The following MYOM3 variants were observed in gnomAD, a reference collection of about 807,000 sequenced individuals.
The protein encoded by MYOM3 is myomesin 3, also known as myomesin-3.
In MYOM3, 155 loss-of-function variants were observed where a neutral mutation model predicts 191.7. The ratio of observed to expected loss-of-function variants is 0.81; its 90% CI spans 0.71 to 0.92. The LOEUF is 0.92. Among genes scored for constraint, MYOM3 ranks in the 40% least tolerant of loss-of-function variants. The pLI, the probability that MYOM3 is intolerant of heterozygous loss-of-function variation, is 0.00. For missense variants in MYOM3, 1,889 were observed against 1,890.6 expected (o/e 1.00, Z 0.02); for synonymous variants, 757 against 762.9 (o/e 0.99, Z 0.13).
chr1:24,101,068 T>C (rs1353930280), intron 5 of MYOM3, among the ~76,000 whole-genome samples: 1 of 152,164 alleles, frequency 6.6e-6, no homozygotes, highest in Non-Finnish European at 1.5e-5. Flanking sequence ...TGTGGCCATA[T>C]GACTTAGCAT....
At position 24,090,871 on chromosome 1, in the gene MYOM3, A is replaced by C. The variant is rs1570877892; in HGVS notation, c.1358T>G (p.Val453Gly). 2 of 1,614,004 alleles carry C rather than the reference A, an allele frequency of 1.2e-6. No homozygotes were observed. Among genetic ancestry groups the C allele is most frequent in the Non-Finnish European group, 1.7e-6 (2 of 1,179,974 alleles). The change falls in exon 12 of 37, where the codon GTA (valine) becomes GGA (glycine). Residue 453 changes from valine to glycine, a missense_variant. Val to Gly is a moderately radical substitution (Grantham distance 109). Coordinates refer to ENST00000374434, the MANE Select transcript of MYOM3 (RefSeq NM_152372.4). Reference sequence around the variant, plus strand: ...GGCCTTGGAGGGGACGCTGCTGCCTACCCTGCTGATGGCTCTCACCCGGAA... The same window carrying C: ...GGCCTTGGAGGGGACGCTGCTGCCTCCCCTGCTGATGGCTCTCACCCGGAA... ...YRFRVRAISR[V>G]GSSVPSKASE... is the part of the protein sequence containing the mutation.
intron 19 of MYOM3, among the ~76,000 whole-genome samples, chr1:24,080,837 G>T (rs1643659454): frequency 1.3e-5 from 2 of 152,196 alleles, no homozygotes; most frequent in Non-Finnish European, 2.9e-5. Context: ...TGATGGAAGG[G>T]TGTGATTCTC....
chr1:24,081,841 T>A (rs1643673195), intron 18 of MYOM3, 160 bp downstream of exon 18: 1 of 724,182 alleles, frequency 1.4e-6, no homozygotes, highest in Admixed American at 3.0e-5. Context: ...TCTAAACAGT[T>A]CTGTTCAAGG....
At position 24,071,226 on chromosome 1, in the gene MYOM3, A is replaced by G. The variant is rs1471121176; in HGVS notation, c.3041T>C (p.Ile1014Thr). The G allele has an allele frequency of 3.7e-6, 6 of 1,613,568 alleles. No individual in the cohort carries two copies. In the Admixed American group the frequency reaches 6.7e-5, roughly 18 times the overall value. Residue 1014 changes from isoleucine (I) to threonine (T), a missense_variant, in exon 25 of 37, where the codon ATT (isoleucine) becomes ACT (threonine). Coordinates refer to ENST00000374434, the MANE Select transcript of MYOM3 (RefSeq NM_152372.4). ...PVIKLISGWN[I>T]DILERGEVRL... ...CACCTCCCCTCGCTCCAGGATGTCA[A>G]TGTTCCAGCCGGAGATCAGTTTGAT...
chr1:24,108,088 A>G lies in MYOM3; in HGVS notation c.162-15T>C. The G allele has an allele frequency of 6.2e-7, 1 of 1,612,260 alleles. No individual in the cohort carries two copies. On this transcript the variant is annotated splice_polypyrimidine_tract_variant and intron_variant, in intron 2 of 36. Coordinates refer to ENST00000374434, the MANE Select transcript of MYOM3 (RefSeq NM_152372.4). ...GCTCTTCTTCGCTGCTCCCAGAAGG[A>G]GGGGAGTAAATGGCTCTTGCAGGAT...
At chr1:24,106,789 G>A (rs1009271592) in intron 4 of MYOM3, among the ~76,000 whole-genome samples, 9 of 152,054 alleles carry the variant, frequency 5.9e-5, no homozygotes, top group Non-Finnish European at 1.2e-4. Context: ...GGCTGGTCTC[G>A]AACTCCTGAC....
chr1:24,068,410 A>G (rs1258346406), intron 25 of MYOM3, 43 bp from the exon 26 acceptor site: 1 of 1,611,140 alleles, frequency 6.2e-7, no homozygotes, highest in Non-Finnish European at 8.5e-7. Flanking sequence ...TGTTCTGGGA[A>G]CTTTGTTGTG....
intron 25 of MYOM3, among the ~76,000 whole-genome samples, chr1:24,069,220 G>A (rs1183114605): frequency 2.6e-5 from 4 of 152,068 alleles, no homozygotes; most frequent in African/African-American, 9.7e-5. Context: ...GTATGATTTG[G>A]GGGAGTAATC....
Position 24,108,080 on chromosome 1 carries a change from C to T in MYOM3, c.162-7G>A. 1 of 1,613,038 alleles carries T rather than the reference C, an allele frequency of 6.2e-7. No homozygotes were observed. Among genetic ancestry groups the T allele is most frequent in the Non-Finnish European group, 8.5e-7 (1 of 1,179,458 alleles). ...GAACTCATGCTCTTCTTCGCTGCTCCCAGAAGGAGGGGAGTAAATGGCTCT... is the reference window on the plus strand; with the variant it reads ...GAACTCATGCTCTTCTTCGCTGCTCTCAGAAGGAGGGGAGTAAATGGCTCT... On this transcript the variant is annotated splice_polypyrimidine_tract_variant and splice_region_variant and intron_variant, in intron 2 of 36. Coordinates refer to ENST00000374434, the MANE Select transcript of MYOM3 (RefSeq NM_152372.4).
At position 24,108,081 on chromosome 1, in the gene MYOM3, C is replaced by A. The variant is rs745317685; in HGVS notation, c.162-8G>T. On this transcript the variant is annotated splice_polypyrimidine_tract_variant and splice_region_variant and intron_variant, in intron 2 of 36. Transcript: ENST00000374434. ...AACTCATGCTCTTCTTCGCTGCTCC[C>A]AGAAGGAGGGGAGTAAATGGCTCTT... is the stretch of plus-strand genomic sequence containing the variant. 3.4e-5 allele frequency: 55 copies of A among 1,612,876 alleles called. No homozygotes were observed. In the Admixed American group the frequency reaches 7.2e-4, roughly 21 times the overall value.
chr1:24,063,362 G>C lies in MYOM3; in HGVS notation c.3662-128C>G. ...GGGAAATGCAGTGCTGTGAAGAGGC[G>C]GGATTTTCTCTTCGGTGTTTGAGGT... On this transcript the variant is annotated intron_variant, in intron 31 of 36. Coordinates refer to ENST00000374434, the MANE Select transcript of MYOM3 (RefSeq NM_152372.4). This position sits in a 1 kb window ranked among gnomAD's most constrained non-coding sequence, Gnocchi z 4.5. 7.2e-7 allele frequency: 1 copy of C among 1,387,290 alleles called. No individual in the cohort carries two copies. Among genetic ancestry groups the C allele is most frequent in the South Asian group, 1.2e-5 (1 of 86,080 alleles). The allele number at this position is 1,387,290 out of a possible 1,614,324, so 85.9% of individuals were successfully genotyped here. A position where few individuals can be genotyped will look rare whatever the true frequency, so the allele number is the denominator to read the frequency against.
intron 12 of MYOM3, 149 bp downstream of exon 12, chr1:24,090,648 C>T: frequency 1.4e-6 from 1 of 736,128 alleles, no homozygotes; most frequent in Non-Finnish European, 2.2e-6. Context: ...CCTTTGTCTC[C>T]TTCATCAGAC....
At chr1:24,085,068 G>A (rs1293151147) in intron 15 of MYOM3, among the ~76,000 whole-genome samples, 1 of 152,094 alleles carries the variant, frequency 6.6e-6, no homozygotes, top group Non-Finnish European at 1.5e-5. Flanking sequence ...ATGGATGGAT[G>A]GTTGGTTGAA....
intron 23 of MYOM3, 149 bp downstream of exon 23, chr1:24,074,011 T>C (rs1298233524): frequency 4.9e-6 from 3 of 618,318 alleles, no homozygotes; most frequent in African/African-American, 3.7e-5. Context: ...CAGATATCTA[T>C]TGATGGAAAG....
At chr1:24,101,075 G>A (rs1643908452) in intron 5 of MYOM3, among the ~76,000 whole-genome samples, 1 of 152,056 alleles carries the variant, frequency 6.6e-6, no homozygotes, top group Admixed American at 6.5e-5. Flanking sequence ...ATATGACTTA[G>A]CATTGTCAAC....
At position 24,056,464 on chromosome 1, in the gene MYOM3, G is replaced by T. The variant is rs1026534874; in HGVS notation, c.*900C>A. 1.3e-5 allele frequency: 2 copies of T among 152,148 alleles called. No homozygotes were observed. The highest frequency in any genetic ancestry group is 4.8e-5 in the African/African-American group (2 of 41,426). The allele number at this position is 152,148 out of a possible 1,614,324, so 9.4% of individuals were successfully genotyped here. The stretch of plus-strand genomic sequence containing the variant: ...GCTCATCACAACCTCCGCCTCCCAG[G>T]TTCAACGGATTCTCCCACCTCGGCC... On this transcript the variant is annotated 3_prime_UTR_variant, in exon 37 of 37. Coordinates refer to ENST00000374434, the MANE Select transcript of MYOM3 (RefSeq NM_152372.4).
At chr1:24,107,285 C>A (rs1465186423) in intron 3 of MYOM3, 53 bp from the exon 4 acceptor site, 9 of 1,494,774 alleles carry the variant, frequency 6.0e-6, no homozygotes, top group African/African-American at 2.8e-5. Flanking sequence ...ATGCCTGGGG[C>A]ATCCTGGCCA....
At chr1:24,071,080 G>C in intron 25 of MYOM3, 37 bp downstream of exon 25, 3 of 1,604,014 alleles carry the variant, frequency 1.9e-6, no homozygotes, top group Non-Finnish European at 2.6e-6. Flanking sequence ...TCCCCGGCAG[G>C]GGAGCCTCAC....
intron 3 of MYOM3, 58 bp downstream of exon 3, chr1:24,107,935 G>C: frequency 6.9e-7 from 1 of 1,447,138 alleles, no homozygotes; most frequent in Non-Finnish European, 9.6e-7. Context: ...GGAGGCCGGG[G>C]ACTGGACAGG....
Sources: allele counts gnomAD v4.1 joint callset (sites outside exome capture counted in the v4.1 genomes callset), GRCh38; gene constraint gnomAD v4.1.1; non-coding constraint Gnocchi (gnomAD v3.1); transcripts MANE v1.5; gene names NCBI Gene and HGNC (gene_info 2026-07-23, HGNC 2026-07-21).